The following KDM5C variants were observed in gnomAD, a reference collection of about 807,000 sequenced individuals.
KDM5C encodes the protein lysine-specific demethylase 5C.
Under a neutral mutation model 110.6 loss-of-function variants are expected in KDM5C, and 16 were observed. The ratio of observed to expected loss-of-function variants is 0.14; its 90% CI spans 0.10 to 0.22. The LOEUF is 0.22. Among genes scored for constraint, KDM5C ranks in the 10% least tolerant of loss-of-function variants. The pLI is 1.00. For synonymous variants in KDM5C, 511 were observed against 520.4 expected (o/e 0.98, Z 0.24); for missense variants, 681 against 1,300.9 (o/e 0.52, Z 7.33).
intron 12 of KDM5C, among the ~76,000 whole-genome samples, chrX:53,207,417 C>T (rs1309398492): frequency 9.0e-6 from 1 of 111,393 alleles, no homozygotes; most frequent in Non-Finnish European, 1.9e-5. Context: ...GGACTAGCTA[C>T]ATTTCAAGTG....
In KDM5C at chrX:53,192,999, A is replaced by C. The variant is rs1556831995; in HGVS notation, c.4651T>G (p.Cys1551Gly). ...TGTTGCTGAGGCGGCTGCTGTGGGC[A>C]GGGCAGATGCAGCCGGGGAGTCAGA... ...STLTPRLHLP[C>G]PQQPPQQQL Residue 1551 changes from cysteine to glycine, a missense_variant, in exon 26 of 26, where the codon TGC (cysteine) becomes GGC (glycine). Transcript: ENST00000375401. The C allele has an allele frequency of 8.5e-7, 1 of 1,183,009 alleles. No homozygotes were observed.
At chrX:53,223,345 A>G (rs1379552489) in intron 1 of KDM5C, among the ~76,000 whole-genome samples, 4 of 110,639 alleles carry the variant, frequency 3.6e-5, no homozygotes, top group Non-Finnish European at 7.6e-5. Context: ...CTCCCTCACC[A>G]TGGACAAGGA....
At chrX:53,210,339 C>T (rs2073523460) in intron 12 of KDM5C, 75 bp downstream of exon 12, 1 of 1,147,486 alleles carries the variant, frequency 8.7e-7, no homozygotes. Flanking sequence ...AGATGACAAC[C>T]ACCGCCACCA....
chrX:53,219,654 G>A (rs2073845438), intron 2 of KDM5C, among the ~76,000 whole-genome samples: 1 of 112,548 alleles, frequency 8.9e-6, no homozygotes, highest in Admixed American at 9.4e-5. Context: ...AACAAAGACA[G>A]CTCTTTCCAT....
chrX:53,208,499 C>CTTTT (rs67574134), intron 12 of KDM5C, among the ~76,000 whole-genome samples: 12 of 48,297 alleles, frequency 2.5e-4, no homozygotes, highest in African/African-American at 8.6e-4. Context: ...TCAGAGAATC[C>CTTTT]TTTTTTTTTT....
Position 53,193,320 on chromosome X carries a change from C to G in KDM5C, c.4330G>C (p.Glu1444Gln). 8.3e-7 allele frequency: 1 copy of G among 1,211,198 alleles called. No individual in the cohort carries two copies. Among genetic ancestry groups the G allele is most frequent in the Non-Finnish European group, 1.1e-6 (1 of 895,416 alleles). Residue 1444 changes from glutamate (E) to glutamine (Q), a missense_variant, in exon 26 of 26, where the codon GAG (glutamate) becomes CAG (glutamine). By Grantham distance (29) the Glu-to-Gln change is conservative. Coordinates refer to ENST00000375401, the MANE Select transcript of KDM5C (RefSeq NM_004187.5). ...CCCCGAGCCCGACTCCCGTGACGCT[C>G]TGCCTTCTCCAGCTGTGATTACAGA... ...IRTLLELEKA[E>Q]RHGSRARGRA...
intron 25 of KDM5C, among the ~76,000 whole-genome samples, chrX:53,183,863 G>T (rs899851489): frequency 2.7e-5 from 3 of 111,528 alleles, no homozygotes; most frequent in African/African-American, 9.8e-5. Flanking sequence ...ATAAGCAACC[G>T]CACCCCGCTA....
In KDM5C at chrX:53,210,424, T is replaced by C. The variant is rs782780250; in HGVS notation, c.1736A>G (p.His579Arg). 8 of 1,210,507 alleles carry C rather than the reference T, an allele frequency of 6.6e-6. No homozygotes were observed. In the Admixed American group the frequency reaches 1.7e-4, roughly 26 times the overall value. ...TLMNPNTLMS[H>R]GVPVVRTNQC... ...TGCCTGGGTACTCACTGGCACACCA[T>C]GGGACATGAGGGTGTTGGGATTCAT... Residue 579 changes from histidine to arginine, a missense_variant, in exon 12 of 26, where the codon CAT (histidine) becomes CGT (arginine). Physicochemically the swap from His to Arg is conservative, Grantham distance 29 (BLOSUM62 0). Around this residue, in one of 14 missense-constraint regions of KDM5C, gnomAD observed 41 missense variants for 205.9 expected, o/e 0.20. Transcript: ENST00000375401.
In KDM5C at chrX:53,214,828, C is replaced by T. The variant is rs945455521; in HGVS notation, c.983G>A (p.Arg328Gln). ...NAQFIESYVCRMCSRGDEDDK... is the reference protein window; with the variant it reads ...NAQFIESYVCQMCSRGDEDDK... ...ATCCTCATCCCCTCGAGAACACATC[C>T]GGCAGACATATGACTCAATCTGCCA... The change falls in exon 8 of 26, where the codon CGG becomes CAG. Residue 328 changes from arginine (R) to glutamine (Q), a missense_variant. By Grantham distance (43) the Arg-to-Gln change is conservative (BLOSUM62 1). Around this residue, in one of 14 missense-constraint regions of KDM5C, gnomAD observed 71 missense variants for 115.0 expected, o/e 0.62. Transcript: ENST00000375401. 4.1e-6 allele frequency: 5 copies of T among 1,211,708 alleles called. No individual in the cohort carries two copies. The highest frequency in any genetic ancestry group is 5.6e-6 in the Non-Finnish European group (5 of 895,445).
intron 1 of KDM5C, among the ~76,000 whole-genome samples, chrX:53,222,093 G>A (rs1397508813): frequency 9.0e-6 from 1 of 111,134 alleles, no homozygotes; most frequent in African/African-American, 3.3e-5. Context: ...TACATGCTGA[G>A]TTAGTGGTGG....
Position 53,197,764 on chromosome X carries a change from T to C in KDM5C, c.2622+7A>G. 2 of 1,191,941 alleles carry C rather than the reference T, an allele frequency of 1.7e-6. No individual in the cohort carries two copies. Among genetic ancestry groups the C allele is most frequent in the Non-Finnish European group, 1.1e-6 (1 of 881,907 alleles). On this transcript the variant is annotated splice_region_variant and intron_variant, in intron 18 of 25. Transcript: ENST00000375401. ...TGATCCCTCATCAGCACTCCAAGCGTCCTCACCTTGACATCCCCAATCTGG... is the reference window on the plus strand; with the variant it reads ...TGATCCCTCATCAGCACTCCAAGCGCCCTCACCTTGACATCCCCAATCTGG...
chrX:53,191,969 G>A (rs1934451289), downstream of KDM5C: 1 of 173,835 alleles, frequency 5.8e-6, no homozygotes, highest in Non-Finnish European at 1.1e-5. Flanking sequence ...AGGGAAAGTG[G>A]CTTGGGGTTA....
At chrX:53,182,524 C>T (rs1001186364) in intron 25 of KDM5C, among the ~76,000 whole-genome samples, 10 of 111,938 alleles carry the variant, frequency 8.9e-5, no homozygotes, top group Admixed American at 3.8e-4. Context: ...CATGCCACCA[C>T]GCCCAGCTAA....
intron 12 of KDM5C, among the ~76,000 whole-genome samples, chrX:53,204,535 C>T (rs1260083773): frequency 1.8e-5 from 2 of 110,733 alleles, no homozygotes; most frequent in African/African-American, 3.3e-5. Context: ...CTCGCTCTGT[C>T]GCCCAGGCTG....
chrX:53,210,206 A>G (rs1357307727), intron 12 of KDM5C, among the ~76,000 whole-genome samples: 2 of 112,661 alleles, frequency 1.8e-5, no homozygotes, highest in East Asian at 5.5e-4. Flanking sequence ...CGTCAAACAC[A>G]TGGCCCAGAG....
At chrX:53,212,361 AGG>A in intron 8 of KDM5C, 2 of 143,196 alleles carry the variant, frequency 1.4e-5, no homozygotes, top group Non-Finnish European at 2.6e-5. Context: ...ACTGGAGTGC[AGG>A]GTCACAATCT....
In KDM5C at chrX:53,198,547, C is replaced by T. The variant is rs2073040916; in HGVS notation, c.2459G>A (p.Ser820Asn). 8.3e-7 allele frequency: 1 copy of T among 1,208,925 alleles called. No individual in the cohort carries two copies. Among genetic ancestry groups the T allele is most frequent in the African/African-American group, 1.7e-5 (1 of 57,372 alleles). The part of the protein sequence containing the change: ...ELLQQLKNCL[S>N]EAEACVSRAL... The stretch of plus-strand genomic sequence containing the variant: ...TCGGGACACGCAAGCCTCTGCCTCA[C>T]TCAGGCAGTTCTTTAGTTGCTGCAG... Residue 820 changes from serine (S) to asparagine (N), a missense_variant, in exon 17 of 26, where the codon AGT becomes AAT. Ser to Asn is a conservative substitution (Grantham distance 46). Around this residue, in one of 14 missense-constraint regions of KDM5C, gnomAD observed 123 missense variants for 169.0 expected, o/e 0.73. Transcript: ENST00000375401.
At position 53,203,095 on chromosome X, in the gene KDM5C, C is replaced by T. The variant is rs139239413; in HGVS notation, c.1747-1122G>A. 2.3e-3 allele frequency among the ~76,000 whole-genome samples: 256 copies of T among 111,612 alleles called. 1 individual carries two copies. The highest frequency in any genetic ancestry group is 7.8e-3 in the African/African-American group (240 of 30,713). ...TGCTGGGATTACAAGTGTGAGCCAC[C>T]GCGCCCGGCAAAAATCCTTTTTTTA... On this transcript the variant is annotated intron_variant, in intron 12 of 25. Transcript: ENST00000375401.
chrX:53,218,594 T>TC (rs1556853244), intron 2 of KDM5C, 196 bp from the exon 3 acceptor site: 1 of 509,294 alleles, frequency 2.0e-6, no homozygotes, highest in African/African-American at 2.3e-5. Flanking sequence ...TTTTGTTTTT[T>TC]TGAGACGGTC....
Sources: allele counts gnomAD v4.1 joint callset (sites outside exome capture counted in the v4.1 genomes callset), GRCh38; gene constraint gnomAD v4.1.1; regional missense constraint gnomAD v4.1.1; transcripts MANE v1.5; gene names NCBI Gene and HGNC (gene_info 2026-07-23, HGNC 2026-07-21).